The following MDFIC2 variants were observed in gnomAD, a reference collection of about 807,000 sequenced individuals.
The protein encoded by MDFIC2 is MyoD family inhibitor domain containing 2.
chr3:70,266,888 T>A (rs1575610482), intron 2 of MDFIC2, among the ~76,000 whole-genome samples: 1 of 152,336 alleles, frequency 6.6e-6, no homozygotes, highest in East Asian at 1.9e-4. Flanking sequence ...GTCTGACACA[T>A]CCACTGCCTG....
At chr3:70,230,792 A>C (rs1701552306) in intron 2 of MDFIC2, among the ~76,000 whole-genome samples, 1 of 152,202 alleles carries the variant, frequency 6.6e-6, no homozygotes, top group Non-Finnish European at 1.5e-5. Context: ...GGTGAGACCA[A>C]GGTCCAAATA....
chr3:70,196,777 C>G lies in MDFIC2; in HGVS notation c.*149G>C. ...AAGACCATTGAGTTGATAATACTAG[C>G]TTTCCTAGACAGGTGCAGAATAAAA... On this transcript the variant is annotated 3_prime_UTR_variant, in exon 4 of 4. Coordinates refer to ENST00000567252, the MANE Select transcript of MDFIC2 (RefSeq NM_001364677.1). 1 of 396,130 alleles carries G rather than the reference C, an allele frequency of 2.5e-6. No individual in the cohort carries two copies. The highest frequency in any genetic ancestry group is 4.4e-6 in the Non-Finnish European group (1 of 225,004). The allele number at this position is 396,130 out of a possible 1,614,324, so 24.5% of individuals were successfully genotyped here. A position where few individuals can be genotyped will look rare whatever the true frequency, so the allele number is the denominator to read the frequency against.
At chr3:70,274,098 C>T (rs1009747924) in intron 2 of MDFIC2, among the ~76,000 whole-genome samples, 4 of 104,098 alleles carry the variant, frequency 3.8e-5, no homozygotes, top group Non-Finnish European at 8.7e-5. Context: ...TGTGCGCGCG[C>T]GCATGTGTGT....
chr3:70,277,499 A>T (rs1338883798), intron 2 of MDFIC2, among the ~76,000 whole-genome samples: 2 of 152,210 alleles, frequency 1.3e-5, no homozygotes, highest in Non-Finnish European at 2.9e-5. Context: ...AGAATAAGCC[A>T]TAAAAGCTGA....
At chr3:70,233,712 C>A (rs1158853918) in intron 2 of MDFIC2, among the ~76,000 whole-genome samples, 1 of 152,168 alleles carries the variant, frequency 6.6e-6, no homozygotes, top group Non-Finnish European at 1.5e-5. Flanking sequence ...ATTGACTCAA[C>A]TTCTAAAATT....
At chr3:70,258,384 T>C (rs987064665) in intron 2 of MDFIC2, among the ~76,000 whole-genome samples, 65 of 152,114 alleles carry the variant, frequency 4.3e-4, no homozygotes, top group Non-Finnish European at 1.0e-4. Flanking sequence ...AGTTCATTTA[T>C]TGGAAAAATA....
intron 2 of MDFIC2, among the ~76,000 whole-genome samples, chr3:70,298,492 G>A (rs1202125560): frequency 1.3e-5 from 2 of 152,092 alleles, no homozygotes; most frequent in East Asian, 1.9e-4. Flanking sequence ...AAATATGAAT[G>A]AAGCAATATT....
At chr3:70,302,718 C>T (rs1702363109) in intron 2 of MDFIC2, 1 of 152,192 alleles carries the variant, frequency 6.6e-6, no homozygotes, top group South Asian at 2.1e-4. Flanking sequence ...ATTTGATGTA[C>T]TGCCTTATCA....
chr3:70,308,803 G>C (rs1447590108), intron 2 of MDFIC2, among the ~76,000 whole-genome samples: 2 of 152,090 alleles, frequency 1.3e-5, no homozygotes, highest in African/African-American at 4.8e-5. Context: ...TACTCAGAAT[G>C]GTGATGATGG....
At chr3:70,296,862 T>C (rs988063541) in intron 2 of MDFIC2, among the ~76,000 whole-genome samples, 25 of 152,090 alleles carry the variant, frequency 1.6e-4, no homozygotes, top group Non-Finnish European at 2.8e-4. Flanking sequence ...ATGGCCTCTC[T>C]GTGCTTAGTG....
At chr3:70,229,275 A>G (rs1188985022) in intron 2 of MDFIC2, among the ~76,000 whole-genome samples, 1 of 152,212 alleles carries the variant, frequency 6.6e-6, no homozygotes, top group Admixed American at 6.5e-5. Flanking sequence ...AGTGTGTGAA[A>G]GAATTTAGTG....
intron 2 of MDFIC2, among the ~76,000 whole-genome samples, chr3:70,311,348 G>A (rs1482448451): frequency 6.6e-6 from 1 of 152,118 alleles, no homozygotes; most frequent in Admixed American, 6.6e-5. Context: ...GCGCAAATCT[G>A]TACTCATTAG....
intron 2 of MDFIC2, among the ~76,000 whole-genome samples, chr3:70,246,690 A>G (rs1701710710): frequency 6.6e-6 from 1 of 152,068 alleles, no homozygotes; most frequent in Admixed American, 6.6e-5. Flanking sequence ...AATACTAAAA[A>G]AAATTATGGG....
intron 3 of MDFIC2, among the ~76,000 whole-genome samples, chr3:70,199,353 T>C (rs7616256): frequency 6.6e-6 from 1 of 151,812 alleles, no homozygotes; most frequent in African/African-American, 2.4e-5. Context: ...CCTCTTCTAA[T>C]GTATACTGTA....
chr3:70,276,013 A>G (rs542202694), intron 2 of MDFIC2, among the ~76,000 whole-genome samples: 3 of 152,282 alleles, frequency 2.0e-5, no homozygotes, highest in South Asian at 4.1e-4. Flanking sequence ...ACTTTTAAAA[A>G]TATTTTGATG....
chr3:70,274,372 A>T (rs967825532), intron 2 of MDFIC2, among the ~76,000 whole-genome samples: 1 of 152,182 alleles, frequency 6.6e-6, no homozygotes, highest in East Asian at 1.9e-4. Flanking sequence ...TTCTCTTGAA[A>T]TATAGAATGA....
At position 70,261,223 on chromosome 3, in the gene MDFIC2, C is replaced by T. The variant is rs1368335489; in HGVS notation, c.88+50663G>A. On this transcript the variant is annotated intron_variant, in intron 2 of 3. Transcript: ENST00000567252. ...TTGGTGGTCAAAGCTTTGAATCATT[C>T]ACAAGAGTCAATCTTGGATTCTTAA... 3.3e-5 allele frequency among the ~76,000 whole-genome samples: 5 copies of T among 152,306 alleles called. No individual in the cohort carries two copies. In the East Asian group the frequency reaches 9.6e-4, roughly 29 times the overall value.
At chr3:70,255,478 G>A (rs888174655) in intron 2 of MDFIC2, among the ~76,000 whole-genome samples, 1 of 152,170 alleles carries the variant, frequency 6.6e-6, no homozygotes, top group Admixed American at 6.5e-5. Flanking sequence ...TGCCCAGGCA[G>A]TGGTATGAGC....
At chr3:70,220,711 ACTGCTACTGTAT>A (rs1576159992) in intron 2 of MDFIC2, among the ~76,000 whole-genome samples, 2 of 152,168 alleles carry the variant, frequency 1.3e-5, no homozygotes, top group East Asian at 3.9e-4. Context: ...ATATTTGCTG[ACTGCTACTGTAT>A]CAGGCAGTGA....
Sources: allele counts gnomAD v4.1 joint callset (sites outside exome capture counted in the v4.1 genomes callset), GRCh38; gene constraint gnomAD v4.1.1; transcripts MANE v1.5; gene names NCBI Gene and HGNC (gene_info 2026-07-23, HGNC 2026-07-21).